HHAT: variants seen among roughly 807,000 people sequenced by gnomAD.
HHAT encodes the protein hedgehog acyltransferase.
Under a neutral mutation model 70.8 loss-of-function variants are expected in HHAT, and 47 were observed. That is an observed-to-expected ratio of 0.66 (90% CI 0.53 to 0.85). HHAT has a LOEUF of 0.85. HHAT is among the 40% of genes least tolerant of loss of function. The pLI is 0.00. For missense variants in HHAT, 609 were observed against 604.8 expected, an observed-to-expected ratio of 1.01 and a Z score of -0.07; for synonymous variants, 228 against 247.6, an observed-to-expected ratio of 0.92 and a Z score of 0.74.
chr1:210,358,061 C>T (rs1032597986), intron 2 of HHAT, among the ~76,000 whole-genome samples: 3 of 152,128 alleles, frequency 2.0e-5, no homozygotes, highest in African/African-American at 7.2e-5. Context: ...AATAAGCCTC[C>T]CACAATGACA....
At chr1:210,655,813 C>T (rs1676271911) in intron 11 of HHAT, among the ~76,000 whole-genome samples, 1 of 152,232 alleles carries the variant, frequency 6.6e-6, no homozygotes, top group South Asian at 2.1e-4. Context: ...AATGCCCCTC[C>T]TCTCCCTGCT....
chr1:210,337,305 A>G (rs2085590426), intron 1 of HHAT, among the ~76,000 whole-genome samples: 1 of 152,234 alleles, frequency 6.6e-6, no homozygotes, highest in African/African-American at 2.4e-5. Flanking sequence ...TGTTTTCTAT[A>G]AATCCTTTCA....
intron 9 of HHAT, among the ~76,000 whole-genome samples, chr1:210,584,959 C>T (rs1311228666): frequency 6.6e-6 from 1 of 152,224 alleles, no homozygotes; most frequent in Non-Finnish European, 1.5e-5. Flanking sequence ...GTAGTGAGTG[C>T]TTGATGCCTA....
chr1:210,409,886 C>T lies in HHAT; in HGVS notation c.684+5207C>T, dbSNP rs528132938. 4.6e-5 allele frequency among the ~76,000 whole-genome samples: 7 copies of T among 152,290 alleles called. No individual in the cohort carries two copies. The South Asian group carries it at 1.5e-3, about 32-fold the overall frequency. On this transcript the variant is annotated intron_variant, in intron 6 of 11. Transcript: ENST00000261458. ...ATTTTTTAGTGATGCCTGAACTTCA[C>T]AATTTCCATGGTGGCAGTTTCCAGT...
chr1:210,539,281 A>G (rs778487510), intron 9 of HHAT, among the ~76,000 whole-genome samples: 2 of 152,228 alleles, frequency 1.3e-5, no homozygotes, highest in African/African-American at 2.4e-5. Flanking sequence ...ACTGAGAGGG[A>G]AAGACTATGA....
chr1:210,588,386 G>T, intron 10 of HHAT: 1 of 318,594 alleles, frequency 3.1e-6, no homozygotes, highest in Non-Finnish European at 5.8e-6. Context: ...ACCATGTTAA[G>T]ATCCATTCTT....
intron 9 of HHAT, among the ~76,000 whole-genome samples, chr1:210,565,815 C>T (rs58026648): frequency 0.059 from 8,998 of 152,202 alleles, 848 homozygotes; most frequent in African/African-American, 0.2. Context: ...CCTAAGTTGT[C>T]TAAAAGTAGA....
At chr1:210,528,509 A>G (rs2095277161) in intron 9 of HHAT, among the ~76,000 whole-genome samples, 1 of 152,208 alleles carries the variant, frequency 6.6e-6, no homozygotes, top group Non-Finnish European at 1.5e-5. Flanking sequence ...GGGAAATGTA[A>G]CAGTAGCTAA....
chr1:210,433,038 ACAG>A (rs912011780), intron 7 of HHAT, among the ~76,000 whole-genome samples: 3 of 151,720 alleles, frequency 2.0e-5, no homozygotes, highest in Non-Finnish European at 4.4e-5. Flanking sequence ...TAAGTGTGAG[ACAG>A]CAGCACAGAC....
intron 9 of HHAT, among the ~76,000 whole-genome samples, chr1:210,557,442 A>G (rs1479653395): frequency 6.6e-6 from 1 of 152,110 alleles, no homozygotes; most frequent in Non-Finnish European, 1.5e-5. Context: ...GCACTTGTAC[A>G]CGAATGTCTC....
chr1:210,549,835 G>A (rs1365203287), intron 9 of HHAT, among the ~76,000 whole-genome samples: 1 of 148,730 alleles, frequency 6.7e-6, no homozygotes, highest in African/African-American at 2.5e-5. Context: ...TCTCAAAGCA[G>A]TTTGAGAAGA....
intron 8 of HHAT, among the ~76,000 whole-genome samples, chr1:210,474,233 C>T (rs140248629): frequency 5.3e-5 from 8 of 152,310 alleles, no homozygotes; most frequent in Admixed American, 6.5e-5. Context: ...CCGATATTTT[C>T]TAAGTGAAAG....
At chr1:210,479,780 G>A (rs1366613066) in intron 8 of HHAT, among the ~76,000 whole-genome samples, 1 of 152,128 alleles carries the variant, frequency 6.6e-6, no homozygotes, top group African/African-American at 2.4e-5. Flanking sequence ...ATAATTGTAC[G>A]TCACTTTGAC....
chr1:210,579,135 G>A (rs1247043383), intron 9 of HHAT, among the ~76,000 whole-genome samples: 3 of 152,088 alleles, frequency 2.0e-5, no homozygotes, highest in African/African-American at 4.8e-5. Context: ...TGACAGACAC[G>A]GGAGATGGAG....
intron 10 of HHAT, among the ~76,000 whole-genome samples, chr1:210,591,279 C>T (rs987948049): frequency 6.6e-6 from 1 of 152,120 alleles, no homozygotes; most frequent in Non-Finnish European, 1.5e-5. Context: ...TAATTTTTAA[C>T]TCCCACAAAC....
At chr1:210,333,279 C>T (rs1436441631) in intron 1 of HHAT, among the ~76,000 whole-genome samples, 6 of 152,126 alleles carry the variant, frequency 3.9e-5, no homozygotes, top group Admixed American at 3.9e-4. Context: ...TTTGCAGCCA[C>T]TCCCCAGTGC....
chr1:210,333,659 GAT>G (rs2085202176), intron 1 of HHAT, among the ~76,000 whole-genome samples: 1 of 149,508 alleles, frequency 6.7e-6, no homozygotes, highest in African/African-American at 2.5e-5. Flanking sequence ...TTACTACTAT[GAT>G]TTTTTTTTTT....
In HHAT at chr1:210,635,208, G is replaced by T. The variant is rs540647429; in HGVS notation, c.1390+11538G>T. Among the ~76,000 whole-genome samples, 4 of 152,244 alleles carry T rather than the reference G, an allele frequency of 2.6e-5. No individual in the cohort carries two copies. In the South Asian group the frequency reaches 8.3e-4, roughly 32 times the overall value. The stretch of plus-strand genomic sequence containing the variant: ...AGACTCGGGGGATGGGGCACAGCCT[G>T]TACAAAGATATGGAGGTATAAATCA... On this transcript the variant is annotated intron_variant, in intron 11 of 11. Transcript: ENST00000261458.
At chr1:210,503,925 A>G (rs951546959) in intron 8 of HHAT, among the ~76,000 whole-genome samples, 2 of 152,228 alleles carry the variant, frequency 1.3e-5, no homozygotes, top group Admixed American at 1.3e-4. Context: ...AAACTTTTAG[A>G]AGAAAACATA....
Sources: gnomAD v4.1 joint callset for allele counts (sites outside exome capture counted in the v4.1 genomes callset) on GRCh38, gnomAD v4.1.1 for gene constraint, MANE v1.5 for transcripts, NCBI Gene and HGNC (gene_info 2026-07-23, HGNC 2026-07-21) for gene names.